FMN2: variants seen among roughly 807,000 people sequenced by gnomAD.
FMN2 encodes formin-2.
Under a neutral mutation model 142.3 loss-of-function variants are expected in FMN2, and 51 were observed. The observed-to-expected ratio is 0.36, with a 90% CI of 0.29 to 0.45. The LOEUF (loss-of-function observed/expected upper bound fraction) is 0.45, where lower values mean the gene tolerates loss of function less well. Ranked by LOEUF, FMN2 falls within the 20% of genes least tolerant of loss-of-function variation. The pLI, the probability that FMN2 is intolerant of heterozygous loss-of-function variation, is 1.00. For missense variants in FMN2, 1,936 were observed against 2,122.8 expected (o/e 0.91, Z 1.73); for synonymous variants, 882 against 869.8 (o/e 1.01, Z -0.25).
Position 240,469,445 on chromosome 1 carries a change from C to T in FMN2, c.5061-2927C>T, listed in dbSNP as rs998819690. 7.9e-5 allele frequency among the ~76,000 whole-genome samples: 12 copies of T among 152,106 alleles called. 1 individual carries two copies. The East Asian group carries it at 2.3e-3, about 29-fold the overall frequency. ...TGAGGTGACTGACTCATCCTAGTCA[C>T]ACACATAAGAAACCGAGGCATAAAC... is the stretch of plus-strand genomic sequence containing the variant. On this transcript the variant is annotated intron_variant, in intron 16 of 17. Transcript: ENST00000319653.
intron 2 of FMN2, among the ~76,000 whole-genome samples, chr1:240,176,532 C>T (rs1664920459): frequency 6.6e-6 from 1 of 152,216 alleles, no homozygotes; most frequent in Admixed American, 6.5e-5. Flanking sequence ...ACCTTGACAT[C>T]ATCCCTTGCC....
intron 5 of FMN2, among the ~76,000 whole-genome samples, chr1:240,208,990 G>A (rs949268837): frequency 6.6e-6 from 1 of 152,042 alleles, no homozygotes; most frequent in Non-Finnish European, 1.5e-5. Flanking sequence ...TGTAGTTATT[G>A]ATATATCTCT....
At chr1:240,273,947 T>C (rs1376127118) in intron 7 of FMN2, among the ~76,000 whole-genome samples, 2 of 152,112 alleles carry the variant, frequency 1.3e-5, no homozygotes, top group Non-Finnish European at 2.9e-5. Flanking sequence ...ACTGATTTTA[T>C]TGTTGTACTT....
At chr1:240,226,827 C>CACACAT (rs756720285) in intron 6 of FMN2, among the ~76,000 whole-genome samples, 1 of 151,704 alleles carries the variant, frequency 6.6e-6, no homozygotes, top group Non-Finnish European at 1.5e-5. Context: ...CACACACACA[C>CACACAT]ACACACATAC....
At chr1:240,318,618 T>C (rs1194183141) in intron 8 of FMN2, among the ~76,000 whole-genome samples, 8 of 152,206 alleles carry the variant, frequency 5.3e-5, no homozygotes, top group African/African-American at 1.7e-4. Flanking sequence ...CCAGGTATTA[T>C]TCTAAAAATA....
At chr1:240,197,136 G>C (rs1274075630) in intron 4 of FMN2, among the ~76,000 whole-genome samples, 1 of 152,122 alleles carries the variant, frequency 6.6e-6, no homozygotes, top group South Asian at 2.1e-4. Flanking sequence ...AACTGGGAGG[G>C]GCTGAAGGTT....
At chr1:240,427,347 A>C (rs898982026) in intron 15 of FMN2, among the ~76,000 whole-genome samples, 3 of 151,890 alleles carry the variant, frequency 2.0e-5, no homozygotes, top group African/African-American at 7.3e-5. Context: ...CTTGGACTAC[A>C]GGCGCCCGCC....
chr1:240,108,960 C>CA (rs879613872), intron 1 of FMN2, among the ~76,000 whole-genome samples: 2 of 152,030 alleles, frequency 1.3e-5, no homozygotes, highest in Admixed American at 1.3e-4. Flanking sequence ...CACTTGAACC[C>CA]AGGAGATGGA....
At chr1:240,123,409 T>C in intron 2 of FMN2, 64 bp downstream of exon 2, 1 of 1,518,582 alleles carries the variant, frequency 6.6e-7, no homozygotes, top group Non-Finnish European at 8.9e-7. Flanking sequence ...AGCTACGATG[T>C]GTATCTGCCC....
intron 14 of FMN2, among the ~76,000 whole-genome samples, chr1:240,374,483 C>T (rs769096341): frequency 2.6e-5 from 4 of 152,150 alleles, no homozygotes; most frequent in Non-Finnish European, 5.9e-5. Context: ...GATAACTTGC[C>T]GCAGCTTCTC....
intron 6 of FMN2, among the ~76,000 whole-genome samples, chr1:240,252,745 A>T (rs1209212736): frequency 1.3e-5 from 2 of 151,802 alleles, no homozygotes; most frequent in African/African-American, 2.4e-5. Context: ...CCGCAGAGAA[A>T]ACCTTTTTGA....
At chr1:240,338,804 A>G (rs778404931) in intron 13 of FMN2, among the ~76,000 whole-genome samples, 15 of 152,192 alleles carry the variant, frequency 9.9e-5, no homozygotes, top group Non-Finnish European at 1.9e-4. Flanking sequence ...CTTTACTTCT[A>G]TTATAATTAC....
chr1:240,310,615 C>G (rs1186654278), intron 8 of FMN2, among the ~76,000 whole-genome samples: 5 of 152,174 alleles, frequency 3.3e-5, no homozygotes, highest in Non-Finnish European at 5.9e-5. Flanking sequence ...GGGTTATTGA[C>G]TGTCATTAAG....
intron 4 of FMN2, among the ~76,000 whole-genome samples, chr1:240,205,278 C>A (rs1195761817): frequency 6.6e-6 from 1 of 152,096 alleles, no homozygotes; most frequent in African/African-American, 2.4e-5. Context: ...CTTTAGTGAG[C>A]AAATCCACAT....
At chr1:240,360,252 C>A (rs985930965) in intron 14 of FMN2, among the ~76,000 whole-genome samples, 2 of 152,184 alleles carry the variant, frequency 1.3e-5, no homozygotes, top group Non-Finnish European at 2.9e-5. Flanking sequence ...CTAATGATAA[C>A]CTCACCTTAT....
intron 8 of FMN2, among the ~76,000 whole-genome samples, chr1:240,297,593 T>TAAA (rs1670033684): frequency 2.1e-5 from 1 of 46,770 alleles, no homozygotes; most frequent in African/African-American, 1.1e-4. Flanking sequence ...AGACTCCATC[T>TAAA]CAAAAAAAAA....
intron 6 of FMN2, chr1:240,245,706 A>G: frequency 2.3e-6 from 1 of 437,740 alleles, no homozygotes; most frequent in Non-Finnish European, 4.7e-6. Context: ...AGTTAATTTT[A>G]TCTTTCTCAT....
intron 14 of FMN2, among the ~76,000 whole-genome samples, chr1:240,359,863 C>A: frequency 6.6e-6 from 1 of 152,198 alleles, no homozygotes; most frequent in South Asian, 2.1e-4. Context: ...ATTTGTCCAT[C>A]AATAGTATAA....
intron 2 of FMN2, among the ~76,000 whole-genome samples, chr1:240,133,965 T>C (rs1662839551): frequency 6.6e-6 from 1 of 152,214 alleles, no homozygotes; most frequent in Non-Finnish European, 1.5e-5. Flanking sequence ...GACTGGATTC[T>C]AATCCCATCT....
Sources: gnomAD v4.1 joint callset for allele counts (sites outside exome capture counted in the v4.1 genomes callset) on GRCh38, gnomAD v4.1.1 for gene constraint, MANE v1.5 for transcripts, NCBI Gene and HGNC (gene_info 2026-07-23, HGNC 2026-07-21) for gene names.